PCDH9: variants seen among roughly 807,000 people sequenced by gnomAD.
PCDH9 encodes protocadherin-9.
Under a neutral mutation model 70.6 loss-of-function variants are expected in PCDH9, and 24 were observed. The ratio of observed to expected loss-of-function variants is 0.34; its 90% CI spans 0.25 to 0.48. The LOEUF (loss-of-function observed/expected upper bound fraction) is 0.48, where lower values mean the gene tolerates loss of function less well. Ranked by LOEUF, PCDH9 falls within the 20% of genes least tolerant of loss-of-function variation. PCDH9 has a pLI of 0.99. For synonymous variants in PCDH9, 562 were observed against 558.5 expected (o/e 1.01, Z -0.09); for missense variants, 1,281 against 1,503.6 (o/e 0.85, Z 2.45).
intron 2 of PCDH9, among the ~76,000 whole-genome samples, chr13:67,093,455 AAATAAT>A (rs961060302): frequency 6.6e-6 from 1 of 152,012 alleles, no homozygotes; most frequent in Non-Finnish European, 1.5e-5. Context: ...ACTCCATCTC[AAATAAT>A]AATAATAATA....
At chr13:66,992,391 T>A (rs2084021404) in intron 2 of PCDH9, among the ~76,000 whole-genome samples, 1 of 152,150 alleles carries the variant, frequency 6.6e-6, no homozygotes, top group Non-Finnish European at 1.5e-5. Flanking sequence ...TGATGCAAGC[T>A]GAAATTCATA....
At chr13:66,880,504 A>T (rs974939100) in intron 3 of PCDH9, among the ~76,000 whole-genome samples, 1 of 152,200 alleles carries the variant, frequency 6.6e-6, no homozygotes, top group Non-Finnish European at 1.5e-5. Context: ...AATAGTAGAA[A>T]AACAAATAAT....
At chr13:66,349,308 C>T (rs1318354335) in intron 4 of PCDH9, among the ~76,000 whole-genome samples, 1 of 152,134 alleles carries the variant, frequency 6.6e-6, no homozygotes, top group Non-Finnish European at 1.5e-5. Flanking sequence ...AAGCATACGC[C>T]TGTGCTCTGC....
intron 3 of PCDH9, among the ~76,000 whole-genome samples, chr13:66,632,721 A>G (rs974285768): frequency 6.6e-6 from 1 of 152,176 alleles, no homozygotes; most frequent in Non-Finnish European, 1.5e-5. Flanking sequence ...TTTAGGCCTT[A>G]GAGAATTGTA....
chr13:67,013,753 A>T (rs2084500882), intron 2 of PCDH9, among the ~76,000 whole-genome samples: 1 of 152,028 alleles, frequency 6.6e-6, no homozygotes, highest in Admixed American at 6.6e-5. Flanking sequence ...AATAGGAAAA[A>T]TACAATGTCC....
At chr13:66,637,861 C>G (rs913354353) in intron 3 of PCDH9, among the ~76,000 whole-genome samples, 2 of 151,384 alleles carry the variant, frequency 1.3e-5, no homozygotes, top group African/African-American at 4.9e-5. Context: ...TTGCAGTGAG[C>G]CGAGATCATG....
rs531404934 is a variant in PCDH9, at chr13:66,698,188, C to A, written c.3139-66777G>T. On this transcript the variant is annotated intron_variant, in intron 3 of 4. Transcript: ENST00000377865. ...TCCAGTTTGGGTAATGGAAAAGTTC[C>A]AGAGATGGATGGTAGTGATGGTTGT... Among the ~76,000 whole-genome samples, 5 of 152,134 alleles carry A rather than the reference C, an allele frequency of 3.3e-5. No homozygotes were observed. The East Asian group carries it at 9.7e-4, about 29-fold the overall frequency.
chr13:66,649,621 T>TA (rs1323459655), intron 3 of PCDH9, among the ~76,000 whole-genome samples: 1 of 147,268 alleles, frequency 6.8e-6, no homozygotes, highest in African/African-American at 2.4e-5. Flanking sequence ...CATCTGAAGA[T>TA]ACAAAACTTA....
At chr13:66,726,425 G>A (rs1335366874) in intron 3 of PCDH9, among the ~76,000 whole-genome samples, 1 of 152,106 alleles carries the variant, frequency 6.6e-6, no homozygotes, top group African/African-American at 2.4e-5. Flanking sequence ...AACTCAGAGG[G>A]TAATAACAAT....
rs188709122 is a variant in PCDH9, at chr13:66,796,450, C to G, written c.3138+107054G>C. Among the ~76,000 whole-genome samples, 5 of 152,212 alleles carry G rather than the reference C, an allele frequency of 3.3e-5. No homozygotes were observed. In the East Asian group the frequency reaches 9.7e-4, roughly 29 times the overall value. ...TAGGACCAGTCATTTAAGCAGTACC[C>G]CAGTTTTCTGCTGATAGTGACAGCT... On this transcript the variant is annotated intron_variant, in intron 3 of 4. Transcript: ENST00000377865.
chr13:66,806,357 G>A (rs1463271624), intron 3 of PCDH9, among the ~76,000 whole-genome samples: 1 of 152,182 alleles, frequency 6.6e-6, no homozygotes, highest in Non-Finnish European at 1.5e-5. Flanking sequence ...TTCATGGATT[G>A]GAAGATATTT....
At chr13:66,980,825 C>T (rs2083747315) in intron 2 of PCDH9, among the ~76,000 whole-genome samples, 1 of 130,680 alleles carries the variant, frequency 7.7e-6, no homozygotes, top group African/African-American at 2.8e-5. Flanking sequence ...GTCAAATAAA[C>T]AAATATCCTA....
At chr13:66,397,605 A>G (rs1014931533) in intron 4 of PCDH9, among the ~76,000 whole-genome samples, 3 of 151,496 alleles carry the variant, frequency 2.0e-5, no homozygotes, top group East Asian at 3.9e-4. Flanking sequence ...GCATTTGTAC[A>G]TATATGTGTA....
rs1479182670 is a variant in PCDH9 at position 66,673,373 on chromosome 13, G to A, written c.3139-41962C>T. On this transcript the variant is annotated intron_variant, in intron 3 of 4. Coordinates refer to ENST00000377865, the MANE Select transcript of PCDH9 (RefSeq NM_203487.3). ...ATGATTGTGAGGCTTCCCCAGCCATGTGGAATTGTGAGTTCATTAAACCTC... is the reference window on the plus strand; with the variant it reads ...ATGATTGTGAGGCTTCCCCAGCCATATGGAATTGTGAGTTCATTAAACCTC... 2.0e-5 allele frequency among the ~76,000 whole-genome samples: 3 copies of A among 152,126 alleles called. 1 individual carries two copies. Among genetic ancestry groups the A allele is most frequent in the Non-Finnish European group, 4.4e-5 (3 of 68,030 alleles).
chr13:66,919,835 G>A (rs969252784), intron 2 of PCDH9, among the ~76,000 whole-genome samples: 6 of 150,954 alleles, frequency 4.0e-5, no homozygotes, highest in Non-Finnish European at 8.9e-5. Context: ...AAGTATGAGG[G>A]ACTAAACAAA....
intron 2 of PCDH9, among the ~76,000 whole-genome samples, chr13:66,943,721 CTT>C (rs1324842093): frequency 1.3e-5 from 2 of 152,046 alleles, no homozygotes; most frequent in Admixed American, 6.6e-5. Flanking sequence ...AGGAATGTCT[CTT>C]AGTGTAATTT....
chr13:67,124,413 TA>T (rs928877778), intron 2 of PCDH9, among the ~76,000 whole-genome samples: 1 of 152,150 alleles, frequency 6.6e-6, no homozygotes, highest in African/African-American at 2.4e-5. Flanking sequence ...ATATGTGTAA[TA>T]AAAAATAAAA....
chr13:66,864,375 G>C (rs2081535529), intron 3 of PCDH9, among the ~76,000 whole-genome samples: 3 of 151,986 alleles, frequency 2.0e-5, no homozygotes, highest in African/African-American at 7.3e-5. Flanking sequence ...AGGGGGGTGG[G>C]GGGCGTGAAA....
intron 4 of PCDH9, among the ~76,000 whole-genome samples, chr13:66,595,840 G>GT (rs1473500827): frequency 1.5e-4 from 22 of 151,572 alleles, no homozygotes; most frequent in Admixed American, 1.4e-3. Flanking sequence ...TGAAAAGATT[G>GT]TAAGATTCTT....
Sources: gnomAD v4.1 joint callset for allele counts (sites outside exome capture counted in the v4.1 genomes callset) on GRCh38, gnomAD v4.1.1 for gene constraint, MANE v1.5 for transcripts, NCBI Gene and HGNC (gene_info 2026-07-23, HGNC 2026-07-21) for gene names.